The following ERBB4 variants were observed in gnomAD, a reference collection of about 807,000 sequenced individuals.
ERBB4 encodes the protein erb-b2 receptor tyrosine kinase 4, also known as receptor tyrosine-protein kinase erbB-4.
A neutral mutation model predicts 158.0 loss-of-function variants in ERBB4; 42 were observed. The ratio of observed to expected loss-of-function variants is 0.27; its 90% confidence interval spans 0.21 to 0.34. The LOEUF (loss-of-function observed/expected upper bound fraction) is 0.34. ERBB4 is among the 10% of genes least tolerant of loss of function. ERBB4 has a pLI of 1.00. For synonymous variants in ERBB4, 583 were observed against 558.7 expected (o/e 1.04, Z -0.61); for missense variants, 1,333 against 1,624.1 (o/e 0.82, Z 3.08).
chr2:212,061,356 G>A (rs1271246661), intron 2 of ERBB4, among the ~76,000 whole-genome samples: 1 of 145,620 alleles, frequency 6.9e-6, no homozygotes, highest in Non-Finnish European at 1.5e-5. Context: ...TGGAGCCTGA[G>A]ATGGGAGAAT....
intron 1 of ERBB4, among the ~76,000 whole-genome samples, chr2:212,303,666 T>C (rs2106215099): frequency 6.6e-6 from 1 of 151,676 alleles, no homozygotes; most frequent in South Asian, 2.1e-4. Context: ...AAAAGTATAG[T>C]TAGTTTTGAT....
chr2:211,550,383 T>A (rs1485649721), intron 20 of ERBB4, among the ~76,000 whole-genome samples: 2 of 151,452 alleles, frequency 1.3e-5, no homozygotes, highest in Non-Finnish European at 1.5e-5. Flanking sequence ...GAAAAAAAAA[T>A]GTACTCTTCC....
At chr2:211,538,125 A>G (rs1185564565) in intron 20 of ERBB4, among the ~76,000 whole-genome samples, 1 of 145,032 alleles carries the variant, frequency 6.9e-6, no homozygotes, top group Admixed American at 6.7e-5. Flanking sequence ...GTCCTTTAGT[A>G]TTCTTTGAAA....
chr2:211,647,510 C>T lies in ERBB4; in HGVS notation c.1946+10244G>A, dbSNP rs142868490. ...AAACACAGGATGACTAATTTAGCAC[C>T]CTTCTACTGTGAGAAATCTCAGTTA... On this transcript the variant is annotated intron_variant, in intron 16 of 27. Coordinates refer to ENST00000342788, the MANE Select transcript of ERBB4 (RefSeq NM_005235.3). Among the ~76,000 whole-genome samples the T allele has an allele frequency of 4.2e-3, 641 of 151,674 alleles. 9 individuals are homozygous for T. Among genetic ancestry groups the T allele is most frequent in the African/African-American group, 0.015 (610 of 41,480 alleles).
chr2:212,030,655 G>C (rs2076881666), intron 2 of ERBB4, among the ~76,000 whole-genome samples: 1 of 152,076 alleles, frequency 6.6e-6, no homozygotes, highest in African/African-American at 2.4e-5. Flanking sequence ...ATCCTGCTGG[G>C]ACCCTGGGGA....
intron 1 of ERBB4, among the ~76,000 whole-genome samples, chr2:212,248,311 T>C (rs1187165054): frequency 3.3e-5 from 5 of 152,204 alleles, no homozygotes; most frequent in African/African-American, 1.2e-4. Context: ...TAGAGCTTTA[T>C]ATGCACCTAA....
intron 2 of ERBB4, among the ~76,000 whole-genome samples, chr2:212,100,077 G>T (rs2079041007): frequency 6.6e-6 from 1 of 151,952 alleles, no homozygotes; most frequent in Non-Finnish European, 1.5e-5. Flanking sequence ...GTACATCAAT[G>T]GTCTTACAGT....
At position 212,131,633 on chromosome 2, in the gene ERBB4, G is replaced by T. The variant is rs185147233; in HGVS notation, c.83-6730C>A. 4.3e-4 allele frequency among the ~76,000 whole-genome samples: 65 copies of T among 152,256 alleles called. No individual in the cohort carries two copies. The East Asian group carries it at 0.01, about 24-fold the overall frequency. On this transcript the variant is annotated intron_variant, in intron 1 of 27. Transcript: ENST00000342788. ...GGGATAATTGATCCTGACCACTAAG[G>T]ATAGTAGCAGATTCTATCAATATTA...
intron 1 of ERBB4, among the ~76,000 whole-genome samples, chr2:212,508,539 G>T (rs1345072459): frequency 3.9e-5 from 6 of 151,956 alleles, no homozygotes; most frequent in African/African-American, 1.5e-4. Flanking sequence ...ACATTTAAAG[G>T]CATAAGTTTC....
chr2:211,669,232 A>AG (rs1314616766), intron 14 of ERBB4, among the ~76,000 whole-genome samples: 2 of 138,868 alleles, frequency 1.4e-5, no homozygotes, highest in Non-Finnish European at 3.3e-5. Context: ...AAAAAAAAAA[A>AG]AAAAAAGAAA....
chr2:212,496,462 A>G (rs1690578562), intron 1 of ERBB4, among the ~76,000 whole-genome samples: 1 of 152,156 alleles, frequency 6.6e-6, no homozygotes, highest in Non-Finnish European at 1.5e-5. Context: ...AAAAAAGTAG[A>G]CTCTGATAAA....
chr2:212,348,777 T>A (rs2089127890), intron 1 of ERBB4, among the ~76,000 whole-genome samples: 1 of 152,090 alleles, frequency 6.6e-6, no homozygotes, highest in South Asian at 2.1e-4. Flanking sequence ...TTCAGTTCTG[T>A]CCTAAGCAAA....
chr2:211,992,640 A>G (rs529139689), intron 2 of ERBB4, among the ~76,000 whole-genome samples: 4 of 152,132 alleles, frequency 2.6e-5, no homozygotes, highest in African/African-American at 9.6e-5. Context: ...CCTTAGCTTA[A>G]GACTAGAATC....
intron 18 of ERBB4, among the ~76,000 whole-genome samples, chr2:211,622,990 AATATATATATATATATATATATAT>A (rs1165877419): frequency 1.4e-3 from 30 of 21,872 alleles, no homozygotes; most frequent in East Asian, 6.9e-3. Flanking sequence ...AAAAAAAAAA[AATATATATATATATATATATATAT>A]ATATATATAT....
chr2:212,505,433 CAAGTGAGG>C, intron 1 of ERBB4, among the ~76,000 whole-genome samples: 1 of 124,112 alleles, frequency 8.1e-6, no homozygotes, highest in Non-Finnish European at 2.0e-5. Flanking sequence ...TATTAAACAT[CAAGTGAGG>C]ACACAATGAG....
intron 2 of ERBB4, among the ~76,000 whole-genome samples, chr2:211,999,903 A>C (rs1000422226): frequency 2.0e-5 from 3 of 151,788 alleles, no homozygotes; most frequent in African/African-American, 7.2e-5. Context: ...TCTAAAAAAA[A>C]GTCTTTTAAT....
In ERBB4 at chr2:212,102,090, T is replaced by TATATATATATATATATATATATATATATA; in HGVS notation, c.234+22661_234+22662insTATATATATATATATATATATATATATAT. Reference sequence around the variant, plus strand: ...AAATCATATACGTTGAAAATTTATTTTATATATATATATATATATATATGT... The same window carrying TATATATATATATATATATATATATATATA: ...AAATCATATACGTTGAAAATTTATTTATATATATATATATATATATATATATATATATATATATATATATATATATATGT... On this transcript the variant is annotated intron_variant, in intron 2 of 27. Transcript: ENST00000342788. Among the ~76,000 whole-genome samples, 99 of 107,966 alleles carry TATATATATATATATATATATATATATATA rather than the reference T, an allele frequency of 9.2e-4. 6 individuals are homozygous for TATATATATATATATATATATATATATATA. The highest frequency in any genetic ancestry group is 2.8e-3 in the South Asian group (8 of 2,824). 70.8% of individuals were successfully genotyped at this position (107,966 alleles called of 152,430 possible).
intron 25 of ERBB4, among the ~76,000 whole-genome samples, chr2:211,419,389 G>T (rs1054785878): frequency 6.6e-6 from 1 of 151,988 alleles, no homozygotes; most frequent in Non-Finnish European, 1.5e-5. Flanking sequence ...AGAAAATTAT[G>T]TTTGTTAGAT....
intron 3 of ERBB4, among the ~76,000 whole-genome samples, chr2:211,842,719 A>AATAAATATAG (rs2077502003): frequency 6.6e-6 from 1 of 152,154 alleles, no homozygotes; most frequent in Non-Finnish European, 1.5e-5. Flanking sequence ...ATTTATATTC[A>AATAAATATAG]AGATTTAATT....
Sources: gnomAD v4.1 joint callset for allele counts (sites outside exome capture counted in the v4.1 genomes callset) on GRCh38, gnomAD v4.1.1 for gene constraint, MANE v1.5 for transcripts, NCBI Gene and HGNC (gene_info 2026-07-23, HGNC 2026-07-21) for gene names.